Variants in MDN1 observed in about 807,000 individuals in gnomAD.
The protein encoded by MDN1 is midasin.
MDN1 carries 266 observed loss-of-function variants against 669.2 expected under a neutral mutation model. The ratio of observed to expected loss-of-function variants is 0.40; its 90% CI spans 0.36 to 0.44. The LOEUF (loss-of-function observed/expected upper bound fraction) is 0.44, where lower values mean the gene tolerates loss of function less well. Among genes scored for constraint, MDN1 ranks in the 20% least tolerant of loss-of-function variants. The pLI, the probability that MDN1 is intolerant of heterozygous loss-of-function variation, is 1.00. For missense variants in MDN1, 5,940 were observed against 6,754.0 expected, an observed-to-expected ratio of 0.88 and a Z score of 4.22; for synonymous variants, 2,385 against 2,457.1, an observed-to-expected ratio of 0.97 and a Z score of 0.87.
chr6:89,684,520 A>T (rs532168753), intron 71 of MDN1, among the ~76,000 whole-genome samples: 1 of 152,120 alleles, frequency 6.6e-6, no homozygotes, highest in Non-Finnish European at 1.5e-5. Flanking sequence ...AGAATATCAA[A>T]AAGAGCGGTC....
intron 1 of MDN1, among the ~76,000 whole-genome samples, chr6:89,804,813 C>T (rs1346551034): frequency 2.0e-5 from 3 of 152,024 alleles, no homozygotes; most frequent in African/African-American, 4.8e-5. Context: ...AGGCGGATCA[C>T]GAGGTCAGGA....
chr6:89,780,961 C>G (rs1818643102), intron 10 of MDN1, among the ~76,000 whole-genome samples: 1 of 151,690 alleles, frequency 6.6e-6, no homozygotes, highest in Non-Finnish European at 1.5e-5. Flanking sequence ...AGGAGATGCC[C>G]ATTTCTAATT....
chr6:89,667,873 C>T (rs560218341), intron 84 of MDN1, 141 bp downstream of exon 84: 11 of 943,270 alleles, frequency 1.2e-5, no homozygotes, highest in East Asian at 1.1e-4. Flanking sequence ...CACCCACTGC[C>T]GAAGCACCAA....
intron 46 of MDN1, 37 bp from the exon 47 acceptor site, chr6:89,713,333 T>C (rs369136719): frequency 1.9e-5 from 29 of 1,527,114 alleles, no homozygotes; most frequent in Non-Finnish European, 2.6e-5. Context: ...AACAATAGAG[T>C]CTTTAAAATC....
At chr6:89,728,856 A>G in intron 36 of MDN1, 75 bp downstream of exon 36, 1 of 1,430,326 alleles carries the variant, frequency 7.0e-7, no homozygotes, top group Non-Finnish European at 9.7e-7. Context: ...ATCATTTCTG[A>G]TTAGGCAAAT....
intron 53 of MDN1, among the ~76,000 whole-genome samples, chr6:89,702,579 T>C (rs1482098773): frequency 6.6e-6 from 1 of 152,250 alleles, no homozygotes; most frequent in African/African-American, 2.4e-5. Context: ...TTACTGGGCA[T>C]TCATAGAACT....
intron 79 of MDN1, 154 bp from the exon 80 acceptor site, chr6:89,673,616 A>G (rs1562067828): frequency 3.1e-6 from 2 of 640,208 alleles, no homozygotes; most frequent in Non-Finnish European, 5.5e-6. Context: ...GTGCAGGTCC[A>G]CTGAGTAACA....
intron 46 of MDN1, 138 bp from the exon 47 acceptor site, chr6:89,713,434 G>C (rs1049362148): frequency 2.6e-6 from 2 of 754,800 alleles, no homozygotes; most frequent in Non-Finnish European, 4.2e-6. Flanking sequence ...ATTCCAAGTA[G>C]ACTCTAGAGT....
intron 88 of MDN1, 64 bp downstream of exon 88, chr6:89,661,367 G>T: frequency 6.5e-7 from 1 of 1,541,304 alleles, no homozygotes; most frequent in Admixed American, 2.0e-5. Context: ...GCTTTCAAAA[G>T]AGAAATCAAT....
chr6:89,731,772 T>A (rs1163493045), intron 34 of MDN1, among the ~76,000 whole-genome samples: 1 of 150,438 alleles, frequency 6.6e-6, no homozygotes, highest in Admixed American at 6.7e-5. Flanking sequence ...ATCTGATCAA[T>A]CTTTTATTCT....
At chr6:89,768,472 A>C (rs1817914087) in intron 15 of MDN1, among the ~76,000 whole-genome samples, 1 of 152,216 alleles carries the variant, frequency 6.6e-6, no homozygotes, top group African/African-American at 2.4e-5. Context: ...GAGTCAATTA[A>C]ACCTCTTTTC....
intron 2 of MDN1, among the ~76,000 whole-genome samples, chr6:89,796,324 C>CAAAAAAAAAAAAAAAAAAACAAAAAAA (rs1819593762): frequency 2.2e-5 from 1 of 45,392 alleles, no homozygotes; most frequent in African/African-American, 1.5e-4. Flanking sequence ...AACTCTGTCT[C>CAAAAAAAAAAAAAAAAAAACAAAAAAA]AAAAAAAAAA....
In MDN1 at chr6:89,654,190, A is replaced by C. The variant is rs556703571; in HGVS notation, c.15635T>G (p.Ile5212Ser). The C allele has an allele frequency of 7.4e-6, 12 of 1,614,090 alleles. 2 individuals are homozygous for C. In the South Asian group the frequency reaches 1.3e-4, roughly 18 times the overall value. The change falls in exon 93 of 102, where the codon ATC (isoleucine) becomes AGC (serine). Residue 5212 changes from isoleucine (I) to serine (S), a missense_variant. By Grantham distance (142) the Ile-to-Ser change is moderately radical (BLOSUM62 -2). Transcript: ENST00000369393. ...ADVEQLKPEEIKSGTTAPLGF... is the reference protein window; with the variant it reads ...ADVEQLKPEESKSGTTAPLGF... ...CAAGGGTGCTGTGGTGCCCGACTTG[A>C]TTTCCTCTGGCTTCAGCTGCTCCAC...
At position 89,696,499 on chromosome 6, in the gene MDN1, G is replaced by A; in HGVS notation, c.9244C>T (p.Pro3082Ser). Residue 3082 changes from proline to serine, a missense_variant, in exon 60 of 102, where the codon CCC becomes TCC. This residue lies in a region of MDN1 where 2,292 missense variants were observed against 2,638.3 expected (regional missense o/e 0.87). Transcript: ENST00000369393. ...EVLTSSWRAS[P>S]WDVSGLPILS... Reference sequence around the variant, plus strand: ...ATGGGGAGGCCACTCACATCCCAGGGACTTGCTCTCCAGCTGCTGGTTAAG... The same window carrying A: ...ATGGGGAGGCCACTCACATCCCAGGAACTTGCTCTCCAGCTGCTGGTTAAG... 1 of 1,614,194 alleles carries A rather than the reference G, an allele frequency of 6.2e-7. No individual in the cohort carries two copies. The highest frequency in any genetic ancestry group is 8.5e-7 in the Non-Finnish European group (1 of 1,180,010).
chr6:89,780,306 G>C lies in MDN1; in HGVS notation c.1644-13C>G. On this transcript the variant is annotated splice_polypyrimidine_tract_variant and intron_variant, in intron 10 of 101. Coordinates refer to ENST00000369393, the MANE Select transcript of MDN1 (RefSeq NM_014611.3). ...ATTCAGCAGATCCCTTTAAAAAAAA[G>C]AAAGAAAAGAAAAAACAAAGAAAAG... 2 of 1,520,516 alleles carry C rather than the reference G, an allele frequency of 1.3e-6. No individual in the cohort carries two copies. The highest frequency in any genetic ancestry group is 1.8e-6 in the Non-Finnish European group (2 of 1,129,452). 94.2% of individuals were successfully genotyped at this position (1,520,516 alleles called of 1,614,324 possible). A position where few individuals can be genotyped will look rare whatever the true frequency, so the allele number is the denominator to read the frequency against.
chr6:89,731,726 T>C (rs1457498156), intron 34 of MDN1, among the ~76,000 whole-genome samples: 1 of 152,076 alleles, frequency 6.6e-6, no homozygotes, highest in East Asian at 1.9e-4. Context: ...TGTATACTTA[T>C]GTAACAAACC....
rs1328639397 is a variant in MDN1, at chr6:89,732,648, C to T, written c.4851G>A (p.Glu1617=). 4 of 1,613,918 alleles carry T rather than the reference C, an allele frequency of 2.5e-6. No homozygotes were observed. The African/African-American group carries it at 5.3e-5, about 22-fold the overall frequency. ...SWVNFMNKMG[E]EAALKRPEII... ...TCTCTGGCCTTTTCAAAGCAGCTTCCTCCCCCATTTTGTTCATGAAGTTAA... is the reference window on the plus strand; with the variant it reads ...TCTCTGGCCTTTTCAAAGCAGCTTCTTCCCCCATTTTGTTCATGAAGTTAA... The change falls in exon 34 of 102, where the codon GAG becomes GAA. Residue 1617 remains glutamate, a synonymous_variant. Transcript: ENST00000369393.
chr6:89,649,888 A>C, intron 97 of MDN1, 136 bp downstream of exon 97: 1 of 928,186 alleles, frequency 1.1e-6, no homozygotes, highest in East Asian at 2.5e-5. Context: ...AACAGGCCTA[A>C]CAGGTATTTC....
chr6:89,719,125 A>C lies in MDN1; in HGVS notation c.6057+11T>G. On this transcript the variant is annotated intron_variant, in intron 41 of 101. Transcript: ENST00000369393. ...ATGTCAAAGGATAGAGGATTATCCTAGTCTCCTTACCTGAACATCATAGGG... is the reference window on the plus strand; with the variant it reads ...ATGTCAAAGGATAGAGGATTATCCTCGTCTCCTTACCTGAACATCATAGGG... 3 of 1,610,792 alleles carry C rather than the reference A, an allele frequency of 1.9e-6. No individual in the cohort carries two copies. The highest frequency in any genetic ancestry group is 2.5e-6 in the Non-Finnish European group (3 of 1,176,940).
Sources: gnomAD v4.1 joint callset for allele counts (sites outside exome capture counted in the v4.1 genomes callset) on GRCh38, gnomAD v4.1.1 for gene constraint, gnomAD v4.1.1 regional missense constraint, MANE v1.5 for transcripts, NCBI Gene and HGNC (gene_info 2026-07-23, HGNC 2026-07-21) for gene names.